IQSEC1: variants seen among roughly 807,000 people sequenced by gnomAD.
The protein encoded by IQSEC1 is IQ motif and Sec7 domain ArfGEF 1, also known as IQ motif and SEC7 domain-containing protein 1.
In IQSEC1, 31 loss-of-function variants were observed where a neutral mutation model predicts 91.0. That is an observed-to-expected ratio of 0.34 (90% CI 0.26 to 0.46). IQSEC1 has a LOEUF of 0.46. Ranked by LOEUF, IQSEC1 falls within the 20% of genes least tolerant of loss-of-function variation. The pLI, the probability that IQSEC1 is intolerant of heterozygous loss-of-function variation, is 1.00. For synonymous variants in IQSEC1, 699 were observed against 662.6 expected, an observed-to-expected ratio of 1.05 and a Z score of -0.84; for missense variants, 1,388 against 1,575.6, an observed-to-expected ratio of 0.88 and a Z score of 2.02.
chr3:13,037,611 C>G (rs890696658), intron 1 of IQSEC1, among the ~76,000 whole-genome samples: 28 of 152,196 alleles, frequency 1.8e-4, no homozygotes, highest in African/African-American at 6.8e-4. Context: ...GGGAACAACA[C>G]AAGCGTCCAT....
chr3:12,968,380 A>G (rs952535653), intron 1 of IQSEC1, among the ~76,000 whole-genome samples: 2 of 151,984 alleles, frequency 1.3e-5, no homozygotes, highest in Non-Finnish European at 2.9e-5. Flanking sequence ...CTCCACCCAG[A>G]GACACCCTTC....
intron 1 of IQSEC1, among the ~76,000 whole-genome samples, chr3:13,179,901 C>T (rs1693807237): frequency 6.6e-6 from 1 of 152,250 alleles, no homozygotes; most frequent in Non-Finnish European, 1.5e-5. Flanking sequence ...GCACCTGGGC[C>T]AGCAGCTGCT....
At chr3:13,172,785 T>A (rs1164576163) in intron 1 of IQSEC1, among the ~76,000 whole-genome samples, 1 of 152,178 alleles carries the variant, frequency 6.6e-6, no homozygotes, top group Admixed American at 6.5e-5. Flanking sequence ...CTACCCAGGC[T>A]GGTACCATCG....
upstream of IQSEC1, among the ~76,000 whole-genome samples, chr3:13,075,459 C>T (rs186323418): frequency 2.0e-5 from 3 of 152,226 alleles, no homozygotes; most frequent in South Asian, 2.1e-4. Context: ...CTTCCAGAGG[C>T]GGAAACAGGC....
intron 2 of IQSEC1, among the ~76,000 whole-genome samples, chr3:13,099,641 G>A (rs373104149): frequency 5.9e-5 from 9 of 152,304 alleles, no homozygotes; most frequent in African/African-American, 1.9e-4. Flanking sequence ...CGGGGCTGGG[G>A]CTCCCTCCTT....
chr3:13,097,362 T>A (rs1351426797), intron 2 of IQSEC1, among the ~76,000 whole-genome samples: 1 of 152,186 alleles, frequency 6.6e-6, no homozygotes, highest in Non-Finnish European at 1.5e-5. Flanking sequence ...CAGACGTGGC[T>A]CTGGTCCCCT....
chr3:13,192,424 C>A (rs546559888), intron 1 of IQSEC1, among the ~76,000 whole-genome samples: 2 of 152,258 alleles, frequency 1.3e-5, no homozygotes, highest in African/African-American at 4.8e-5. Flanking sequence ...TAGGGGTCCC[C>A]CAGTCCAATA....
chr3:12,900,825 G>C lies in IQSEC1; in HGVS notation c.*158C>G, dbSNP rs945899995. The C allele has an allele frequency of 1.3e-6, 2 of 1,504,748 alleles. No homozygotes were observed. The highest frequency in any genetic ancestry group is 2.8e-5 in the African/African-American group (2 of 72,164). 93.2% of individuals were successfully genotyped at this position (1,504,748 alleles called of 1,614,324 possible). A position where few individuals can be genotyped will look rare whatever the true frequency, so the allele number is the denominator to read the frequency against. ...TGGGCCTTTGTTCCACACAACACCA[G>C]CCCTGTGGGCTCCTGGGGCTCCGGT... On this transcript the variant is annotated 3_prime_UTR_variant, in exon 14 of 14. Transcript: ENST00000613206.
chr3:13,079,102 G>T (rs1485404487), intron 2 of IQSEC1, among the ~76,000 whole-genome samples: 1 of 152,214 alleles, frequency 6.6e-6, no homozygotes, highest in Non-Finnish European at 1.5e-5. Context: ...CACTGATGTT[G>T]GGGTGCCAGA....
intron 3 of IQSEC1, among the ~76,000 whole-genome samples, chr3:12,931,407 T>C (rs1043449771): frequency 5.3e-5 from 8 of 152,208 alleles, no homozygotes; most frequent in African/African-American, 1.9e-4. Context: ...GCCTTGAGCT[T>C]GGGCCTGGGC....
At chr3:13,123,039 T>C (rs1706450595) in intron 2 of IQSEC1, among the ~76,000 whole-genome samples, 1 of 152,244 alleles carries the variant, frequency 6.6e-6, no homozygotes, top group African/African-American at 2.4e-5. Flanking sequence ...TGGCTCTCTC[T>C]ATTTTAATGA....
chr3:13,074,777 C>T (rs1186713146), upstream of IQSEC1, among the ~76,000 whole-genome samples: 1 of 152,168 alleles, frequency 6.6e-6, no homozygotes, highest in Admixed American at 6.6e-5. Context: ...TTCCCTTCCT[C>T]TTTCCATTCT....
At chr3:13,068,578 G>A (rs982415779) in intron 1 of IQSEC1, among the ~76,000 whole-genome samples, 1 of 152,026 alleles carries the variant, frequency 6.6e-6, no homozygotes, top group Admixed American at 6.5e-5. Context: ...CTTCCAGCAT[G>A]ACGATGTGAC....
At chr3:13,050,673 G>A (rs1383898928) in intron 1 of IQSEC1, among the ~76,000 whole-genome samples, 1 of 152,146 alleles carries the variant, frequency 6.6e-6, no homozygotes, top group East Asian at 1.9e-4. Context: ...ACCTCTCTGT[G>A]CCCCATTTTA....
intron 1 of IQSEC1, among the ~76,000 whole-genome samples, chr3:12,950,945 C>G (rs1482537570): frequency 6.6e-6 from 1 of 151,964 alleles, no homozygotes; most frequent in Non-Finnish European, 1.5e-5. Context: ...TGCGCCCGGC[C>G]AAAAAAATTT....
intron 1 of IQSEC1, among the ~76,000 whole-genome samples, chr3:13,182,476 C>A (rs150113458): frequency 6.6e-6 from 1 of 152,174 alleles, no homozygotes; most frequent in East Asian, 1.9e-4. Context: ...TAGATGATGG[C>A]TATATGGATT....
At chr3:13,257,466 C>T (rs916339158) in intron 1 of IQSEC1, among the ~76,000 whole-genome samples, 1 of 137,010 alleles carries the variant, frequency 7.3e-6, no homozygotes, top group Non-Finnish European at 1.5e-5. Flanking sequence ...TTGAACACAT[C>T]AGCATCACCC....
chr3:13,027,994 C>T (rs2881979), intron 1 of IQSEC1, among the ~76,000 whole-genome samples: 11,902 of 152,214 alleles, frequency 0.078, 517 homozygotes, highest in African/African-American at 0.1. Context: ...TTGTATCCTC[C>T]GCTCCTTCTT....
chr3:13,162,868 C>G (rs1407125159), intron 2 of IQSEC1, among the ~76,000 whole-genome samples: 2 of 152,094 alleles, frequency 1.3e-5, no homozygotes, highest in Non-Finnish European at 2.9e-5. Flanking sequence ...ATCCCCAGAC[C>G]CTAGCCTTTG....
Sources: allele counts gnomAD v4.1 joint callset (sites outside exome capture counted in the v4.1 genomes callset), GRCh38; gene constraint gnomAD v4.1.1; transcripts MANE v1.5; gene names NCBI Gene and HGNC (gene_info 2026-07-23, HGNC 2026-07-21).